Variants in LRRC4C observed in about 807,000 individuals in gnomAD.
The protein encoded by LRRC4C is leucine rich repeat containing 4C, also known as leucine-rich repeat-containing protein 4C.
A neutral mutation model predicts 33.6 loss-of-function variants in LRRC4C; 5 were observed. The ratio of observed to expected loss-of-function variants is 0.15; its 90% CI spans 0.08 to 0.31. The LOEUF (loss-of-function observed/expected upper bound fraction) is 0.31, where lower values mean the gene tolerates loss of function less well. Ranked by LOEUF, LRRC4C falls within the 10% of genes least tolerant of loss-of-function variation. The pLI is 1.00. For missense variants in LRRC4C, 560 were observed against 796.7 expected (o/e 0.70, Z 3.58); for synonymous variants, 329 against 302.0 (o/e 1.09, Z -0.93).
chr11:41,459,569 T>C lies in LRRC4C; in HGVS notation c.-634A>G, dbSNP rs1956272022. Reference sequence around the variant, plus strand: ...AAATAATCAGTTTTCAAAGGTTCCATGTATCTGATCTTCCAGCACCAGCAA... The same window carrying C: ...AAATAATCAGTTTTCAAAGGTTCCACGTATCTGATCTTCCAGCACCAGCAA... On this transcript the variant is annotated 5_prime_UTR_variant, in exon 1 of 7. An upstream start codon of the reference 5' UTR is lost. Coordinates refer to ENST00000528697, the MANE Select transcript of LRRC4C (RefSeq NM_001258419.2). The C allele has an allele frequency of 6.6e-6, 1 of 152,014 alleles. No individual in the cohort carries two copies. Among genetic ancestry groups the C allele is most frequent in the Admixed American group, 6.6e-5 (1 of 15,244 alleles). The allele number at this position is 152,014 out of a possible 1,614,324, so 9.4% of individuals were successfully genotyped here.
intron 3 of LRRC4C, among the ~76,000 whole-genome samples, chr11:40,357,951 G>C (rs552540128): frequency 2.0e-5 from 3 of 152,092 alleles, no homozygotes; most frequent in Non-Finnish European, 4.4e-5. Context: ...TTGGGAGGCC[G>C]AGGCAGGTGG....
intron 1 of LRRC4C, among the ~76,000 whole-genome samples, chr11:41,287,933 A>T (rs745357940): frequency 5.9e-5 from 9 of 152,160 alleles, no homozygotes; most frequent in Non-Finnish European, 1.2e-4. Context: ...GCTTCAGGCT[A>T]TGATTTATAC....
At chr11:41,263,235 G>T (rs565157840) in intron 1 of LRRC4C, among the ~76,000 whole-genome samples, 7 of 152,138 alleles carry the variant, frequency 4.6e-5, no homozygotes, top group Non-Finnish European at 1.0e-4. Flanking sequence ...ATTTATTATT[G>T]ATTTTTTGAC....
intron 2 of LRRC4C, among the ~76,000 whole-genome samples, chr11:40,798,800 T>C (rs1950931500): frequency 6.6e-6 from 1 of 151,904 alleles, no homozygotes; most frequent in African/African-American, 2.4e-5. Flanking sequence ...CCTGCCACCA[T>C]ACTCAGCTAG....
intron 1 of LRRC4C, among the ~76,000 whole-genome samples, chr11:41,202,503 C>T (rs578002325): frequency 6.6e-6 from 1 of 152,148 alleles, no homozygotes; most frequent in Non-Finnish European, 1.5e-5. Context: ...AATCACTTTA[C>T]ATACATTATC....
intron 3 of LRRC4C, among the ~76,000 whole-genome samples, chr11:40,468,041 T>C (rs1952739275): frequency 6.6e-6 from 1 of 152,152 alleles, no homozygotes; most frequent in Non-Finnish European, 1.5e-5. Context: ...CCTGGTAGCC[T>C]GGAGCTTGGG....
At chr11:40,476,347 T>C (rs368988348) in intron 3 of LRRC4C, among the ~76,000 whole-genome samples, 13,872 of 141,204 alleles carry the variant, frequency 0.098, 829 homozygotes, top group East Asian at 0.14. Context: ...TTCTTCTTTT[T>C]TTTTTTTTTT....
At chr11:40,279,148 G>T (rs1369446943) in intron 4 of LRRC4C, among the ~76,000 whole-genome samples, 3 of 152,142 alleles carry the variant, frequency 2.0e-5, no homozygotes, top group African/African-American at 7.2e-5. Context: ...TGTACTGTAG[G>T]ACTTTTCAAT....
chr11:40,728,410 C>G (rs1947392386), intron 2 of LRRC4C, among the ~76,000 whole-genome samples: 1 of 151,492 alleles, frequency 6.6e-6, no homozygotes, highest in Non-Finnish European at 1.5e-5. Context: ...TCGAGACCAT[C>G]CTGGCTAACA....
At chr11:41,349,049 G>A (rs183340091) in intron 1 of LRRC4C, among the ~76,000 whole-genome samples, 344 of 152,266 alleles carry the variant, frequency 2.3e-3, no homozygotes, top group African/African-American at 8.0e-3. Flanking sequence ...ACAGAGTAGG[G>A]CTGTCTTTCC....
chr11:41,376,854 T>C (rs1394903457), intron 1 of LRRC4C, among the ~76,000 whole-genome samples: 1 of 152,032 alleles, frequency 6.6e-6, no homozygotes, highest in Non-Finnish European at 1.5e-5. Flanking sequence ...GATACACACA[T>C]ACGTAGATCA....
At chr11:40,705,738 G>A (rs925983119) in intron 2 of LRRC4C, among the ~76,000 whole-genome samples, 2 of 151,996 alleles carry the variant, frequency 1.3e-5, no homozygotes, top group African/African-American at 4.8e-5. Context: ...GGGATCACTG[G>A]ACAAATGGTG....
At chr11:40,235,575 G>A (rs1289384599) in intron 5 of LRRC4C, among the ~76,000 whole-genome samples, 1 of 152,176 alleles carries the variant, frequency 6.6e-6, no homozygotes, top group East Asian at 1.9e-4. Flanking sequence ...AAATACCTAA[G>A]TGTATGGATA....
chr11:41,286,850 T>C (rs1358718632), intron 1 of LRRC4C, among the ~76,000 whole-genome samples: 1 of 151,770 alleles, frequency 6.6e-6, no homozygotes, highest in Non-Finnish European at 1.5e-5. Flanking sequence ...AGGAGAAGAC[T>C]CAGTAAAAAA....
chr11:40,211,002 C>T (rs1371273134), intron 5 of LRRC4C, among the ~76,000 whole-genome samples: 1 of 152,098 alleles, frequency 6.6e-6, no homozygotes, highest in Non-Finnish European at 1.5e-5. Context: ...GTTTCAAACT[C>T]CTGATCTAAA....
At chr11:40,257,677 C>A (rs1213882221) in intron 4 of LRRC4C, among the ~76,000 whole-genome samples, 2 of 152,100 alleles carry the variant, frequency 1.3e-5, no homozygotes, top group African/African-American at 2.4e-5. Context: ...GAAAGTTTTC[C>A]CTACTTTTAA....
chr11:40,190,807 G>GA (rs879386356), intron 5 of LRRC4C, among the ~76,000 whole-genome samples: 2 of 151,962 alleles, frequency 1.3e-5, no homozygotes, highest in Non-Finnish European at 2.9e-5. Flanking sequence ...TACAGAATAA[G>GA]AAAAAAAGTG....
chr11:40,132,481 T>C (rs186469105), intron 6 of LRRC4C, among the ~76,000 whole-genome samples: 119 of 152,322 alleles, frequency 7.8e-4, no homozygotes, highest in African/African-American at 2.8e-3. Context: ...TAAGGTCCTG[T>C]GCTCCCTCAA....
intron 1 of LRRC4C, among the ~76,000 whole-genome samples, chr11:41,027,437 C>T (rs1191246517): frequency 6.6e-6 from 1 of 151,620 alleles, no homozygotes; most frequent in Non-Finnish European, 1.5e-5. Context: ...CAATCTAAAA[C>T]TTAGCACTCA....
Sources: gnomAD v4.1 joint callset for allele counts (sites outside exome capture counted in the v4.1 genomes callset) on GRCh38, gnomAD v4.1.1 for gene constraint, MANE v1.5 for transcripts, NCBI Gene and HGNC (gene_info 2026-07-23, HGNC 2026-07-21) for gene names.